Variants in RBBP5 observed in about 807,000 individuals in gnomAD.
RBBP5 encodes the protein RB binding protein 5, histone lysine methyltransferase complex subunit.
RBBP5 carries 5 observed loss-of-function variants against 72.2 expected under a neutral mutation model. That is an observed-to-expected ratio of 0.07 (90% CI 0.04 to 0.15). RBBP5 has a LOEUF of 0.15. Among genes scored for constraint, RBBP5 ranks in the 10% least tolerant of loss-of-function variants. The pLI, the probability that RBBP5 is intolerant of heterozygous loss-of-function variation, is 1.00. For missense variants in RBBP5, 322 were observed against 652.2 expected, an observed-to-expected ratio of 0.49 and a Z score of 5.51; for synonymous variants, 209 against 237.2, an observed-to-expected ratio of 0.88 and a Z score of 1.09.
intron 13 of RBBP5, among the ~76,000 whole-genome samples, chr1:205,092,596 T>G (rs775046360): frequency 6.6e-5 from 10 of 151,630 alleles, no homozygotes; most frequent in Non-Finnish European, 1.5e-4. Context: ...ACCACAGATG[T>G]GCACCACCAC....
At chr1:205,092,395 C>A (rs909166804) in intron 13 of RBBP5, among the ~76,000 whole-genome samples, 1 of 142,764 alleles carries the variant, frequency 7.0e-6, no homozygotes, top group Non-Finnish European at 1.5e-5. Context: ...GCAATCTGAC[C>A]GCCTCAGCCT....
chr1:205,116,506 TA>T (rs1440927461), intron 1 of RBBP5, among the ~76,000 whole-genome samples: 1 of 152,172 alleles, frequency 6.6e-6, no homozygotes, highest in Non-Finnish European at 1.5e-5. Flanking sequence ...TTTCACAATT[TA>T]TTTCCAAATT....
At chr1:205,121,346 A>T (rs1433873113) in intron 1 of RBBP5, among the ~76,000 whole-genome samples, 1 of 152,214 alleles carries the variant, frequency 6.6e-6, no homozygotes, top group Non-Finnish European at 1.5e-5. Flanking sequence ...TCCAGTGCCA[A>T]CTATGCCATT....
At position 205,099,841 on chromosome 1, in the gene RBBP5, GGTT is replaced by G; in HGVS notation, c.907-32_907-30del. ...AATTTTAGTGAAGGAAAGAAAAACA[GGTT>G]GTTAAGAACAGATTTTAGATTTTTT... On this transcript the variant is annotated intron_variant, in intron 8 of 13. Transcript: ENST00000264515. This position sits in a 1 kb window ranked among gnomAD's most constrained non-coding sequence, Gnocchi z 4.7. 1 of 1,613,440 alleles carries G rather than the reference GGTT, an allele frequency of 6.2e-7. No homozygotes were observed.
chr1:205,109,859 T>C lies in RBBP5; in HGVS notation c.219-4691A>G, dbSNP rs1026715246. Among the ~76,000 whole-genome samples, 3 of 152,136 alleles carry C rather than the reference T, an allele frequency of 2.0e-5. No homozygotes were observed. The South Asian group carries it at 6.2e-4, about 31-fold the overall frequency. ...CCCCATCCAGTGCTTGAATTTCTTC[T>C]GCAGCATCCTAACAAGGGGGGTGGC... On this transcript the variant is annotated intron_variant, in intron 3 of 13. Transcript: ENST00000264515.
intron 1 of RBBP5, among the ~76,000 whole-genome samples, chr1:205,119,468 C>T (rs971018993): frequency 6.6e-6 from 1 of 152,170 alleles, no homozygotes; most frequent in Non-Finnish European, 1.5e-5. Context: ...TCAAGAAAAG[C>T]CTTTTGCAAG....
At chr1:205,089,773 G>C (rs1056466178) in intron 13 of RBBP5, among the ~76,000 whole-genome samples, 1 of 152,128 alleles carries the variant, frequency 6.6e-6, no homozygotes, top group African/African-American at 2.4e-5. Flanking sequence ...CAGATTAAAA[G>C]CTTACTTAGC....
At chr1:205,105,594 A>T (rs77224007) in intron 3 of RBBP5, among the ~76,000 whole-genome samples, 3,900 of 152,352 alleles carry the variant, frequency 0.026, 78 homozygotes, top group Non-Finnish European at 0.039. Flanking sequence ...GAAAGAATTA[A>T]TTCCTCCTGG....
intron 13 of RBBP5, among the ~76,000 whole-genome samples, chr1:205,093,595 C>G (rs1267003522): frequency 7.0e-6 from 1 of 142,168 alleles, no homozygotes; most frequent in Non-Finnish European, 1.5e-5. Flanking sequence ...TATACACAAA[C>G]ACAGCCTTAG....
At chr1:205,093,094 G>A (rs964073104) in intron 13 of RBBP5, among the ~76,000 whole-genome samples, 6 of 152,014 alleles carry the variant, frequency 3.9e-5, no homozygotes, top group Admixed American at 3.3e-4. Context: ...TGGAAGGATT[G>A]CTCTTATTTA....
chr1:205,116,802 A>C (rs1656542834), intron 1 of RBBP5, among the ~76,000 whole-genome samples: 1 of 152,192 alleles, frequency 6.6e-6, no homozygotes, highest in South Asian at 2.1e-4. Context: ...CGACAGAACA[A>C]GACTCCGTCT....
chr1:205,090,133 C>T (rs568430962), intron 13 of RBBP5, among the ~76,000 whole-genome samples: 1 of 152,314 alleles, frequency 6.6e-6, no homozygotes, highest in Admixed American at 6.5e-5. Flanking sequence ...GGATTACAAG[C>T]GTGAGCCACT....
intron 13 of RBBP5, among the ~76,000 whole-genome samples, chr1:205,090,990 G>C (rs531562799): frequency 6.6e-6 from 1 of 152,272 alleles, no homozygotes; most frequent in South Asian, 2.1e-4. Flanking sequence ...CAGAGCCTTA[G>C]GGTGATGGGC....
At chr1:205,095,194 T>C in intron 12 of RBBP5, 130 bp from the exon 13 acceptor site, 1 of 907,492 alleles carries the variant, frequency 1.1e-6, no homozygotes, top group Non-Finnish European at 1.6e-6. Context: ...GAAAAGTTTG[T>C]CTTATTTCTA....
intron 3 of RBBP5, among the ~76,000 whole-genome samples, chr1:205,107,613 T>G (rs964637301): frequency 6.6e-6 from 1 of 152,130 alleles, no homozygotes; most frequent in Non-Finnish European, 1.5e-5. Context: ...GAAGGAAGAA[T>G]GAACAATGAA....
intron 1 of RBBP5, among the ~76,000 whole-genome samples, chr1:205,120,793 A>G (rs894049443): frequency 3.3e-5 from 5 of 152,076 alleles, no homozygotes; most frequent in Non-Finnish European, 1.5e-5. Context: ...AAAAAAAAAA[A>G]AAGTCCACTT....
intron 6 of RBBP5, 61 bp downstream of exon 6, chr1:205,101,539 A>C (rs1384626605): frequency 4.1e-6 from 5 of 1,205,154 alleles, no homozygotes; most frequent in Non-Finnish European, 5.8e-6. Context: ...GCAAATCTCC[A>C]TGTATTTTTG....
chr1:205,112,932 G>C (rs1656373694), intron 3 of RBBP5, among the ~76,000 whole-genome samples: 1 of 152,122 alleles, frequency 6.6e-6, no homozygotes, highest in Admixed American at 6.5e-5. Flanking sequence ...AGACAAGCCT[G>C]AGCAACACAG....
At chr1:205,093,799 G>A (rs1236410904) in intron 13 of RBBP5, among the ~76,000 whole-genome samples, 1 of 151,880 alleles carries the variant, frequency 6.6e-6, no homozygotes, top group East Asian at 1.9e-4. Context: ...CATGTTTACA[G>A]ACAATGATTA....
Sources: allele counts gnomAD v4.1 joint callset (sites outside exome capture counted in the v4.1 genomes callset), GRCh38; gene constraint gnomAD v4.1.1; non-coding constraint Gnocchi (gnomAD v3.1); transcripts MANE v1.5; gene names NCBI Gene and HGNC (gene_info 2026-07-23, HGNC 2026-07-21).